The following PLEKHA5 variants were observed in gnomAD, a reference collection of about 807,000 sequenced individuals.
PLEKHA5 encodes pleckstrin homology domain containing A5.
A neutral mutation model predicts 181.9 loss-of-function variants in PLEKHA5; 55 were observed. The ratio of observed to expected loss-of-function variants is 0.30; its 90% CI spans 0.24 to 0.38. The LOEUF (loss-of-function observed/expected upper bound fraction) is 0.38. Among genes scored for constraint, PLEKHA5 ranks in the 10% least tolerant of loss-of-function variants. The pLI is 1.00. For synonymous variants in PLEKHA5, 535 were observed against 529.4 expected (o/e 1.01, Z -0.15); for missense variants, 1,432 against 1,549.5 (o/e 0.92, Z 1.27).
At chr12:19,309,581 C>A (rs1224053626) in intron 15 of PLEKHA5, among the ~76,000 whole-genome samples, 1 of 151,824 alleles carries the variant, frequency 6.6e-6, no homozygotes, top group Non-Finnish European at 1.5e-5. Context: ...CATGGTGAAA[C>A]CCCGTCTTTA....
At chr12:19,180,415 G>A (rs1274785150) in intron 3 of PLEKHA5, among the ~76,000 whole-genome samples, 3 of 152,108 alleles carry the variant, frequency 2.0e-5, no homozygotes, top group Non-Finnish European at 4.4e-5. Context: ...GAAATCTGGG[G>A]TACTTCACAC....
intron 20 of PLEKHA5, among the ~76,000 whole-genome samples, chr12:19,327,644 CT>C (rs1038779087): frequency 9.5e-3 from 396 of 41,608 alleles, no homozygotes; most frequent in East Asian, 0.043. Context: ...TTTCTTTTTT[CT>C]TTTTTTTTTT....
intron 3 of PLEKHA5, among the ~76,000 whole-genome samples, chr12:19,160,859 A>G (rs2042807347): frequency 6.6e-6 from 1 of 152,096 alleles, no homozygotes; most frequent in African/African-American, 2.4e-5. Flanking sequence ...TATAATCTCA[A>G]TATTGTCCTA....
chr12:19,166,469 G>A (rs1015539856), intron 3 of PLEKHA5, among the ~76,000 whole-genome samples: 8 of 151,794 alleles, frequency 5.3e-5, no homozygotes, highest in African/African-American at 1.7e-4. Context: ...TTTTGCGCCC[G>A]TACTCATCTT....
intron 16 of PLEKHA5, 124 bp downstream of exon 16, chr12:19,315,018 T>C: frequency 1.5e-6 from 1 of 651,044 alleles, no homozygotes; most frequent in Non-Finnish European, 2.8e-6. Flanking sequence ...TTTGTTTATG[T>C]TTATTTGGAA....
At chr12:19,231,162 GTTTC>G (rs2037507594) in intron 3 of PLEKHA5, among the ~76,000 whole-genome samples, 2 of 152,112 alleles carry the variant, frequency 1.3e-5, no homozygotes, top group African/African-American at 2.4e-5. Context: ...CATTGTAAGA[GTTTC>G]TTTGAGGCCT....
intron 15 of PLEKHA5, 171 bp from the exon 16 acceptor site, chr12:19,314,643 C>G: frequency 1.6e-6 from 1 of 617,336 alleles, no homozygotes; most frequent in South Asian, 1.6e-5. Context: ...GCGTTTAATA[C>G]TTGTTTGAAA....
intron 23 of PLEKHA5, 37 bp from the exon 24 acceptor site, chr12:19,346,957 G>C: frequency 7.3e-7 from 1 of 1,377,550 alleles, no homozygotes; most frequent in Non-Finnish European, 9.9e-7. Context: ...AATTCAATCT[G>C]CTTATCTAAA....
intron 3 of PLEKHA5, chr12:19,150,163 C>T (rs1056206173): frequency 4.6e-5 from 7 of 152,200 alleles, no homozygotes; most frequent in Admixed American, 4.6e-4. Flanking sequence ...TCTATGTGGA[C>T]ATGTGTGGGA....
chr12:19,197,190 A>G (rs186085531), intron 3 of PLEKHA5, among the ~76,000 whole-genome samples: 22 of 152,178 alleles, frequency 1.4e-4, no homozygotes, highest in Non-Finnish European at 2.2e-4. Flanking sequence ...CCTGACTTCT[A>G]TGACATCATA....
In PLEKHA5 at chr12:19,152,758, A is replaced by AC. The variant is rs762143254; in HGVS notation, c.227+20309dup. On this transcript the variant is annotated intron_variant, in intron 3 of 31. Transcript: ENST00000429027. ...ACATGATACTCAGCTTAAAATAAGA[A>AC]CATTTTTTTTATGTCAAAGAGCTTC... 17 of 152,102 alleles carry AC rather than the reference A, an allele frequency of 1.1e-4. No homozygotes were observed. In the East Asian group the frequency reaches 2.9e-3, roughly 26 times the overall value. 9.4% of individuals were successfully genotyped at this position (152,102 alleles called of 1,614,324 possible).
chr12:19,346,287 AATCT>A (rs1317137657), intron 23 of PLEKHA5, among the ~76,000 whole-genome samples: 6 of 152,212 alleles, frequency 3.9e-5, no homozygotes, highest in African/African-American at 1.4e-4. Flanking sequence ...TAACCAAAAG[AATCT>A]ATTATTTTGA....
At chr12:19,354,293 A>G (rs2094791804) in intron 26 of PLEKHA5, among the ~76,000 whole-genome samples, 1 of 147,704 alleles carries the variant, frequency 6.8e-6, no homozygotes, top group Non-Finnish European at 1.5e-5. Flanking sequence ...CTGGGACTAC[A>G]GGCGCCCGCC....
At chr12:19,191,675 A>C (rs138781723) in intron 3 of PLEKHA5, among the ~76,000 whole-genome samples, 2 of 152,160 alleles carry the variant, frequency 1.3e-5, no homozygotes, top group Non-Finnish European at 2.9e-5. Flanking sequence ...TGAGTCAGGA[A>C]TTCTCAAGCT....
chr12:19,153,236 C>G (rs945491320), intron 3 of PLEKHA5: 1 of 151,982 alleles, frequency 6.6e-6, no homozygotes, highest in South Asian at 2.1e-4. Context: ...TTAGTAAGAA[C>G]TTTTATTATG....
chr12:19,313,372 T>C (rs958350148), intron 15 of PLEKHA5, among the ~76,000 whole-genome samples: 2 of 152,158 alleles, frequency 1.3e-5, no homozygotes, highest in Non-Finnish European at 2.9e-5. Context: ...ACCGTAACAC[T>C]TAAGAATTTT....
intron 14 of PLEKHA5, 76 bp downstream of exon 14, chr12:19,290,872 A>G: frequency 7.5e-7 from 1 of 1,333,108 alleles, no homozygotes; most frequent in Non-Finnish European, 1.0e-6. Flanking sequence ...CAATATGATC[A>G]GCATCATTAG....
chr12:19,267,174 A>G (rs2070741400), intron 8 of PLEKHA5, among the ~76,000 whole-genome samples: 1 of 152,126 alleles, frequency 6.6e-6, no homozygotes, highest in Non-Finnish European at 1.5e-5. Flanking sequence ...CTAGTTTTTC[A>G]GTCTGTTTTA....
intron 6 of PLEKHA5, among the ~76,000 whole-genome samples, chr12:19,260,296 G>T (rs1225670070): frequency 6.6e-6 from 1 of 151,946 alleles, no homozygotes; most frequent in African/African-American, 2.4e-5. Flanking sequence ...ATTAAATCTG[G>T]TTTACCAGAA....
Sources: gnomAD v4.1 joint callset for allele counts (sites outside exome capture counted in the v4.1 genomes callset) on GRCh38, gnomAD v4.1.1 for gene constraint, MANE v1.5 for transcripts, NCBI Gene and HGNC (gene_info 2026-07-23, HGNC 2026-07-21) for gene names.